The following ENOX1 variants were observed in gnomAD, a reference collection of about 807,000 sequenced individuals.
The protein encoded by ENOX1 is candidate growth-related and time keeping constitutive hydroquinone (NADH) oxidase.
In ENOX1, 42 loss-of-function variants were observed where a neutral mutation model predicts 82.5. That is an observed-to-expected ratio of 0.51 (90% CI 0.40 to 0.66). The LOEUF is 0.66. ENOX1 is among the 30% of genes least tolerant of loss of function. The probability of loss-of-function intolerance (pLI) is 0.00; values close to 1 mark genes in which losing one functional copy is unlikely to be tolerated. For missense variants in ENOX1, 608 were observed against 811.6 expected, an observed-to-expected ratio of 0.75 and a Z score of 3.05; for synonymous variants, 271 against 282.2, an observed-to-expected ratio of 0.96 and a Z score of 0.40.
At chr13:43,665,644 C>T (rs1057367685) in intron 2 of ENOX1, among the ~76,000 whole-genome samples, 1 of 151,862 alleles carries the variant, frequency 6.6e-6, no homozygotes, top group Admixed American at 6.6e-5. Flanking sequence ...GGCAGTTCAA[C>T]CTGCGATGCC....
At chr13:43,678,842 C>T (rs1315640733) in intron 1 of ENOX1, among the ~76,000 whole-genome samples, 10 of 152,132 alleles carry the variant, frequency 6.6e-5, no homozygotes, top group Non-Finnish European at 1.2e-4. Context: ...ATAAGACCAA[C>T]CTTGATAATG....
chr13:43,541,590 C>T (rs902468350), intron 2 of ENOX1, among the ~76,000 whole-genome samples: 6 of 152,172 alleles, frequency 3.9e-5, no homozygotes, highest in Non-Finnish European at 8.8e-5. Context: ...CAATGAACCT[C>T]AGAGGTTCAG....
At chr13:43,504,861 T>C (rs537119718) in intron 2 of ENOX1, among the ~76,000 whole-genome samples, 1 of 151,728 alleles carries the variant, frequency 6.6e-6, no homozygotes, top group South Asian at 2.1e-4. Context: ...GTGATTAATA[T>C]GTTTATGGCA....
intron 14 of ENOX1, among the ~76,000 whole-genome samples, chr13:43,242,040 T>C (rs183506529): frequency 7.9e-5 from 12 of 152,234 alleles, no homozygotes; most frequent in Non-Finnish European, 1.5e-4. Flanking sequence ...TTTCTTTCTG[T>C]TGCAAAGCTT....
rs564511025 is a variant in ENOX1 at position 43,481,006 on chromosome 13, A to G, written c.-75+3003T>C. 2.6e-5 allele frequency among the ~76,000 whole-genome samples: 4 copies of G among 152,330 alleles called. No individual in the cohort carries two copies. The South Asian group carries it at 6.2e-4, about 24-fold the overall frequency. ...TCCTAACTCATTTTATAAAGCCAGC[A>G]TAAGCCTGATACCAAAGTCAACCAT... On this transcript the variant is annotated intron_variant, in intron 3 of 16. Coordinates refer to ENST00000690772, the MANE Select transcript of ENOX1 (RefSeq NM_001347969.2).
chr13:43,507,297 G>T (rs1212883565), intron 2 of ENOX1, among the ~76,000 whole-genome samples: 4 of 151,820 alleles, frequency 2.6e-5, no homozygotes, highest in Non-Finnish European at 5.9e-5. Flanking sequence ...CACAAGTGAA[G>T]GTCAGGTGTT....
At chr13:43,549,835 G>A (rs2079115436) in intron 2 of ENOX1, among the ~76,000 whole-genome samples, 1 of 152,162 alleles carries the variant, frequency 6.6e-6, no homozygotes, top group Non-Finnish European at 1.5e-5. Flanking sequence ...CTGTGATCAA[G>A]GCCTTAAAAG....
chr13:43,440,661 C>T (rs989721672), intron 3 of ENOX1, among the ~76,000 whole-genome samples: 3 of 152,002 alleles, frequency 2.0e-5, no homozygotes, highest in African/African-American at 7.3e-5. Flanking sequence ...TAAGAGCAAC[C>T]TTAGATGAAT....
intron 1 of ENOX1, among the ~76,000 whole-genome samples, chr13:43,696,437 T>C (rs2086643662): frequency 6.6e-6 from 1 of 152,260 alleles, no homozygotes; most frequent in Non-Finnish European, 1.5e-5. Flanking sequence ...CTTCTGTGTC[T>C]GCTTTCTGGT....
intron 5 of ENOX1, among the ~76,000 whole-genome samples, chr13:43,388,059 A>G (rs2052540272): frequency 6.6e-6 from 1 of 152,222 alleles, no homozygotes; most frequent in Non-Finnish European, 1.5e-5. Context: ...AATGACATGA[A>G]CAGGTCTATT....
At chr13:43,375,011 T>A (rs1246784010) in intron 5 of ENOX1, among the ~76,000 whole-genome samples, 2 of 152,220 alleles carry the variant, frequency 1.3e-5, no homozygotes, top group African/African-American at 4.8e-5. Flanking sequence ...TACTTCACGT[T>A]GTTATTATGA....
intron 11 of ENOX1, among the ~76,000 whole-genome samples, chr13:43,317,901 A>C (rs1463681214): frequency 2.0e-5 from 3 of 151,902 alleles, no homozygotes; most frequent in Non-Finnish European, 4.4e-5. Flanking sequence ...GCTACTCGGG[A>C]GGCTGAGGCA....
intron 5 of ENOX1, among the ~76,000 whole-genome samples, chr13:43,378,044 T>G (rs1296013210): frequency 6.6e-6 from 1 of 152,208 alleles, no homozygotes; most frequent in Non-Finnish European, 1.5e-5. Flanking sequence ...TGTTTGACTT[T>G]TACTCTGGCA....
intron 15 of ENOX1, among the ~76,000 whole-genome samples, chr13:43,229,885 G>GA (rs1301530668): frequency 6.6e-6 from 1 of 152,110 alleles, no homozygotes; most frequent in African/African-American, 2.4e-5. Context: ...ATTAGGGCAG[G>GA]AAAAAGGGGA....
At chr13:43,284,288 G>C (rs1257241802) in intron 12 of ENOX1, among the ~76,000 whole-genome samples, 1 of 151,238 alleles carries the variant, frequency 6.6e-6, no homozygotes, top group East Asian at 1.9e-4. Context: ...ACACCAGAGA[G>C]AAGAGGACAA....
chr13:43,446,758 C>A (rs963479875), intron 3 of ENOX1, among the ~76,000 whole-genome samples: 2 of 152,208 alleles, frequency 1.3e-5, no homozygotes, highest in African/African-American at 4.8e-5. Flanking sequence ...TTCTCATGTG[C>A]CCCAAATTGT....
At chr13:43,406,959 T>G (rs1362146337) in intron 5 of ENOX1, among the ~76,000 whole-genome samples, 1 of 152,184 alleles carries the variant, frequency 6.6e-6, no homozygotes, top group Non-Finnish European at 1.5e-5. Context: ...AGGTATTATC[T>G]CACGGCCAGA....
intron 11 of ENOX1, among the ~76,000 whole-genome samples, chr13:43,311,294 C>T (rs976790059): frequency 1.1e-4 from 17 of 152,058 alleles, no homozygotes; most frequent in African/African-American, 4.1e-4. Flanking sequence ...GAAACTAAAC[C>T]TCCAAGAGAC....
intron 2 of ENOX1, among the ~76,000 whole-genome samples, chr13:43,548,549 A>G (rs1488976467): frequency 2.0e-5 from 3 of 152,208 alleles, no homozygotes. Flanking sequence ...TTTACGTTAC[A>G]TCATGCAGCA....
Sources: allele counts gnomAD v4.1 joint callset (sites outside exome capture counted in the v4.1 genomes callset), GRCh38; gene constraint gnomAD v4.1.1; transcripts MANE v1.5; gene names NCBI Gene and HGNC (gene_info 2026-07-23, HGNC 2026-07-21).